The following SLC25A35 variants were observed in gnomAD, a reference collection of about 807,000 sequenced individuals.
SLC25A35 encodes solute carrier family 25, member 35.
In SLC25A35, 32 loss-of-function variants were observed where a neutral mutation model predicts 30.5. The ratio of observed to expected loss-of-function variants is 1.05; its 90% confidence interval spans 0.79 to 1.41. The LOEUF (loss-of-function observed/expected upper bound fraction) is 1.41. SLC25A35 is among the 40% of genes most tolerant of loss of function. The probability of loss-of-function intolerance (pLI) is 0.00; values close to 1 mark genes in which losing one functional copy is unlikely to be tolerated. For missense variants in SLC25A35, 369 were observed against 388.0 expected (o/e 0.95, Z 0.41); for synonymous variants, 142 against 158.1 (o/e 0.90, Z 0.77).
chr17:8,290,622 G>A lies in SLC25A35; in HGVS notation c.786C>T (p.Gly262=), dbSNP rs2151613558. ...CTATACCCTTGTACATGCCAAAAAT[G>A]CCCTCGGTCCGAGCTGTCTGCAGCA... The part of the protein sequence containing the change: ...DALLQTARTE[G]IFGMYKGIGA... Residue 262 remains glycine, a synonymous_variant, in exon 5 of 5, where the codon GGC becomes GGT. Coordinates refer to ENST00000577745, the MANE Select transcript of SLC25A35 (RefSeq NM_001320870.2). 2 of 1,538,628 alleles carry A rather than the reference G, an allele frequency of 1.3e-6. No individual in the cohort carries two copies. Among genetic ancestry groups the A allele is most frequent in the South Asian group, 1.2e-5 (1 of 84,746 alleles).
chr17:8,288,057 C>G (rs892780298), downstream of SLC25A35: 1 of 152,902 alleles, frequency 6.5e-6, no homozygotes, highest in Admixed American at 6.5e-5. Flanking sequence ...CTCAAGAGAC[C>G]CTACCTAGAC....
Position 8,292,845 on chromosome 17 carries a change from C to T in SLC25A35, c.376-257G>A, listed in dbSNP as rs548956872. 1.2e-4 allele frequency among the ~76,000 whole-genome samples: 19 copies of T among 152,246 alleles called. No homozygotes were observed. In the East Asian group the frequency reaches 1.4e-3, roughly 11 times the overall value. On this transcript the variant is annotated intron_variant, in intron 1 of 4. Coordinates refer to ENST00000577745, the MANE Select transcript of SLC25A35 (RefSeq NM_001320870.2). The stretch of plus-strand genomic sequence containing the variant: ...TCCTCTTTCCCTTGGGGCTAGCAGT[C>T]GGGGGTGGAGTGGTTGGAGAATGGC...
At chr17:8,289,813 C>T, downstream of SLC25A35, 1 of 1,613,916 alleles carries the variant, frequency 6.2e-7, no homozygotes, top group Non-Finnish European at 8.5e-7. Context: ...CCACCCCAAG[C>T]CCTGACAACA....
In SLC25A35 at chr17:8,290,407, T is replaced by A; in HGVS notation, c.*98A>T. On this transcript the variant is annotated 3_prime_UTR_variant, in exon 5 of 5. Coordinates refer to ENST00000577745, the MANE Select transcript of SLC25A35 (RefSeq NM_001320870.2). ...AGTGGGGTTGGCTGTCCCCCATGGA[T>A]GGATGAAAGGTCACCTAATCAGTAG... 1.4e-6 allele frequency: 2 copies of A among 1,479,512 alleles called. No individual in the cohort carries two copies. Among genetic ancestry groups the A allele is most frequent in the East Asian group, 2.5e-5 (1 of 40,416 alleles). 91.6% of individuals were successfully genotyped at this position (1,479,512 alleles called of 1,614,324 possible). A position where few individuals can be genotyped will look rare whatever the true frequency, so the allele number is the denominator to read the frequency against.
In SLC25A35 at chr17:8,295,242, T is replaced by C; in HGVS notation, c.-435A>G. 1.0e-6 allele frequency: 1 copy of C among 990,908 alleles called. No homozygotes were observed. Among genetic ancestry groups the C allele is most frequent in the South Asian group, 4.6e-5 (1 of 21,830 alleles). The allele number at this position is 990,908 out of a possible 1,614,324, so 61.4% of individuals were successfully genotyped here. On this transcript the variant is annotated 5_prime_UTR_variant, in exon 1 of 5. Coordinates refer to ENST00000577745, the MANE Select transcript of SLC25A35 (RefSeq NM_001320870.2). ...GAAAAGGATCCGGGAGAAGAGCCGG[T>C]GATTTCCTCGAGCCAGCAACGAGAT...
Position 8,290,837 on chromosome 17 carries a change from C to T in SLC25A35, c.729+5G>A, listed in dbSNP as rs917821530. ...TCCCGCCTGCATCCCAGAGCACTTC[C>T]TTACCTTGCCCTGTGCATCTGTGGG... is the stretch of plus-strand genomic sequence containing the variant. On this transcript the variant is annotated splice_donor_5th_base_variant and intron_variant, in intron 4 of 4. Coordinates refer to ENST00000577745, the MANE Select transcript of SLC25A35 (RefSeq NM_001320870.2). 3.1e-6 allele frequency: 5 copies of T among 1,613,606 alleles called. No homozygotes were observed. The highest frequency in any genetic ancestry group is 1.7e-5 in the Admixed American group (1 of 59,988).
At chr17:8,289,502 G>C, downstream of SLC25A35, 6 of 1,614,184 alleles carry the variant, frequency 3.7e-6, no homozygotes, top group Non-Finnish European at 5.1e-6. Context: ...GATCCCCTTA[G>C]GTAGCAAAGG....
At chr17:8,289,156 C>A, downstream of SLC25A35, 3 of 1,599,252 alleles carry the variant, frequency 1.9e-6, no homozygotes, top group Non-Finnish European at 2.6e-6. Flanking sequence ...TTAATCCGGG[C>A]GGTGAGACCA....
chr17:8,291,195 T>C (rs1990469803), intron 3 of SLC25A35, 138 bp downstream of exon 3: 2 of 1,366,108 alleles, frequency 1.5e-6, no homozygotes, highest in African/African-American at 2.9e-5. Flanking sequence ...GTGGGAAGGG[T>C]CTAAAGAGTT....
chr17:8,292,684 C>A, intron 1 of SLC25A35, 96 bp from the exon 2 acceptor site: 2 of 1,018,164 alleles, frequency 2.0e-6, no homozygotes, highest in South Asian at 1.3e-5. Context: ...CTAGGGTGTT[C>A]AGCAATGAAT....
downstream of SLC25A35, chr17:8,288,267 AC>A: frequency 5.5e-6 from 1 of 182,910 alleles, no homozygotes; most frequent in Admixed American, 5.4e-5. Context: ...GACACTCCCC[AC>A]CCCGCCCCAT....
Position 8,290,516 on chromosome 17 carries a change from C to T in SLC25A35, c.892G>A (p.Asp298Asn). The change falls in exon 5 of 5, where the codon GAC becomes AAC. Residue 298 changes from aspartate to asparagine, a missense_variant. Transcript: ENST00000577745. ...WDQLRSLYYTDTK is the reference protein window; with the variant it reads ...WDQLRSLYYTNTK ...TGGGAAAGCGGCTGTTATTTAGTGTCTGTGTAGTAGAGGGAGCGCAGCTGG... is the reference window on the plus strand; with the variant it reads ...TGGGAAAGCGGCTGTTATTTAGTGTTTGTGTAGTAGAGGGAGCGCAGCTGG... The T allele has an allele frequency of 1.3e-6, 2 of 1,535,892 alleles. No homozygotes were observed. Among genetic ancestry groups the T allele is most frequent in the Non-Finnish European group, 1.7e-6 (2 of 1,146,800 alleles).
chr17:8,288,538 A>C (rs889526661), downstream of SLC25A35: 8 of 586,886 alleles, frequency 1.4e-5, no homozygotes, highest in East Asian at 5.8e-5. Context: ...ACCCCAAGGC[A>C]GACCCCACCG....
downstream of SLC25A35, chr17:8,288,528 ACCC>A (rs1232345161): frequency 7.0e-6 from 4 of 571,686 alleles, no homozygotes; most frequent in Non-Finnish European, 1.2e-5. Flanking sequence ...CCTAAGTCCA[ACCC>A]CAAGGCAGAC....
downstream of SLC25A35, chr17:8,289,900 G>A: frequency 1.2e-6 from 2 of 1,614,156 alleles, no homozygotes; most frequent in Non-Finnish European, 1.7e-6. Context: ...TGACCAGTCT[G>A]ACCCTTCACG....
rs765297186 is a variant in SLC25A35, at chr17:8,294,774, C to T, written c.34G>A (p.Gly12Arg). The T allele has an allele frequency of 5.0e-6, 8 of 1,599,302 alleles. No individual in the cohort carries two copies. In the South Asian group the frequency reaches 7.8e-5, roughly 16 times the overall value. Residue 12 changes from glycine (G) to arginine (R), a missense_variant, in exon 1 of 5, where the codon GGG (glycine) becomes AGG (arginine). Coordinates refer to ENST00000577745, the MANE Select transcript of SLC25A35 (RefSeq NM_001320870.2). ...DFLMSGLAAC[G>R]ACVFTNPLEV... The stretch of plus-strand genomic sequence containing the variant: ...AGGGGATTGGTGAATACACAGGCCC[C>T]GCAGGCTGCCAGGCCACTCATCAAG...
rs1990719917 is a variant in SLC25A35 at position 8,294,377 on chromosome 17, C to G, written c.375+56G>C. The G allele has an allele frequency of 1.6e-5, 24 of 1,500,278 alleles. 1 individual carries two copies. The South Asian group carries it at 2.1e-4, about 13-fold the overall frequency. The allele number at this position is 1,500,278 out of a possible 1,614,324, so 92.9% of individuals were successfully genotyped here. On this transcript the variant is annotated intron_variant, in intron 1 of 4. Transcript: ENST00000577745. The stretch of plus-strand genomic sequence containing the variant: ...CCTATGCCCTTGGGAAAGAACAGCT[C>G]CTATCCTACAACGAGGATCTGCCCT...
intron 2 of SLC25A35, among the ~76,000 whole-genome samples, chr17:8,292,068 G>A (rs994512190): frequency 3.9e-5 from 6 of 152,346 alleles, no homozygotes; most frequent in African/African-American, 7.2e-5. Context: ...TGTAATCCCA[G>A]CTACTCAAGA....
chr17:8,290,759 G>A, intron 4 of SLC25A35, 81 bp from the exon 5 acceptor site: 1 of 1,602,138 alleles, frequency 6.2e-7, no homozygotes, highest in Admixed American at 1.7e-5. Context: ...TCTACAGGCT[G>A]CATTTCAGGC....
Sources: gnomAD v4.1 joint callset for allele counts (sites outside exome capture counted in the v4.1 genomes callset) on GRCh38, gnomAD v4.1.1 for gene constraint, MANE v1.5 for transcripts, NCBI Gene and HGNC (gene_info 2026-07-23, HGNC 2026-07-21) for gene names.